SLC35D4: variants seen among roughly 807,000 people sequenced by gnomAD.
The protein encoded by SLC35D4 is UDP-N-acetylglucosamine transporter SLC35D4.
the SLC35D4 span, among the ~76,000 whole-genome samples, chr18:23,315,686 T>C: frequency 1.2e-4 from 18 of 152,332 alleles, no homozygotes; most frequent in East Asian, 3.5e-3. Flanking sequence ...ACATTCTCTC[T>C]ACCCCTTATC....
chr18:23,332,232 C>A, the SLC35D4 span, among the ~76,000 whole-genome samples: 8 of 152,062 alleles, frequency 5.3e-5, no homozygotes, highest in Non-Finnish European at 1.0e-4. Flanking sequence ...AACAGGCTTA[C>A]TGAGATATAA....
At chr18:23,245,530 G>A in the SLC35D4 span, among the ~76,000 whole-genome samples, 2 of 151,228 alleles carry the variant, frequency 1.3e-5, no homozygotes, top group African/African-American at 4.9e-5. Flanking sequence ...AGCGAAATAG[G>A]TATCAGTGTT....
the SLC35D4 span, among the ~76,000 whole-genome samples, chr18:23,376,072 A>C: frequency 6.6e-6 from 1 of 152,252 alleles, no homozygotes; most frequent in Non-Finnish European, 1.5e-5. Context: ...ATCAGGCAGC[A>C]AACAGCAAAG....
the SLC35D4 span, among the ~76,000 whole-genome samples, chr18:23,281,733 C>T: frequency 8.5e-5 from 13 of 152,166 alleles, no homozygotes; most frequent in African/African-American, 2.9e-4. Context: ...AAGAAAGTCA[C>T]CAGAGTTGTT....
chr18:23,255,230 G>A, the SLC35D4 span, among the ~76,000 whole-genome samples: 103 of 152,110 alleles, frequency 6.8e-4, no homozygotes, highest in Admixed American at 1.8e-3. Context: ...GGCTAACCCT[G>A]GGAAGGGCAG....
the SLC35D4 span, among the ~76,000 whole-genome samples, chr18:23,357,240 C>T: frequency 6.6e-6 from 1 of 151,930 alleles, no homozygotes; most frequent in South Asian, 2.1e-4. Context: ...AAGAACAGCA[C>T]GGGGGCCAGA....
At chr18:23,309,153 G>A in the SLC35D4 span, among the ~76,000 whole-genome samples, 30 of 151,358 alleles carry the variant, frequency 2.0e-4, no homozygotes, top group South Asian at 5.6e-3. Flanking sequence ...TGCAACCATT[G>A]CAGGCCTAAA....
At chr18:23,401,030 C>A in the SLC35D4 span, among the ~76,000 whole-genome samples, 1 of 152,194 alleles carries the variant, frequency 6.6e-6, no homozygotes, top group Non-Finnish European at 1.5e-5. Context: ...AAGCACTTTG[C>A]TGGTTTTTTC....
chr18:23,395,065 G>A, the SLC35D4 span, among the ~76,000 whole-genome samples: 1 of 151,244 alleles, frequency 6.6e-6, no homozygotes, highest in South Asian at 2.1e-4. Context: ...GAAAAATCCA[G>A]GGAGGAGTTT....
chr18:23,315,874 T>C, the SLC35D4 span, among the ~76,000 whole-genome samples: 1 of 152,182 alleles, frequency 6.6e-6, no homozygotes, highest in Non-Finnish European at 1.5e-5. Flanking sequence ...AGGAACTTCA[T>C]GGTTGGAAGA....
At chr18:23,343,150 T>C in the SLC35D4 span, among the ~76,000 whole-genome samples, 1 of 152,232 alleles carries the variant, frequency 6.6e-6, no homozygotes, top group Non-Finnish European at 1.5e-5. Flanking sequence ...GTCGAACTCC[T>C]GATCTCAGGT....
the SLC35D4 span, among the ~76,000 whole-genome samples, chr18:23,412,745 T>C: frequency 1.3e-4 from 20 of 152,196 alleles, no homozygotes; most frequent in African/African-American, 1.9e-4. Context: ...GCTGCCTGTT[T>C]CTGAAAATAG....
the SLC35D4 span, among the ~76,000 whole-genome samples, chr18:23,252,206 A>G: frequency 6.6e-6 from 1 of 152,148 alleles, no homozygotes; most frequent in Non-Finnish European, 1.5e-5. Flanking sequence ...GGTTGCCAGG[A>G]GCTGGAGGGA....
At chr18:23,336,937 A>G in the SLC35D4 span, among the ~76,000 whole-genome samples, 1 of 152,172 alleles carries the variant, frequency 6.6e-6, no homozygotes, top group African/African-American at 2.4e-5. Flanking sequence ...TGTTCAGCAT[A>G]GACTTGACCT....
At chr18:23,308,952 G>C in the SLC35D4 span, among the ~76,000 whole-genome samples, 1 of 147,910 alleles carries the variant, frequency 6.8e-6, no homozygotes. Context: ...GACGTCCATG[G>C]GTTGTCAAGT....
At chr18:23,239,158 G>A in the SLC35D4 span, among the ~76,000 whole-genome samples, 1 of 152,160 alleles carries the variant, frequency 6.6e-6, no homozygotes, top group Non-Finnish European at 1.5e-5. Flanking sequence ...GCGTGTGCAC[G>A]TATACACATA....
At chr18:23,352,328 C>A in the SLC35D4 span, 2 of 1,564,252 alleles carry the variant, frequency 1.3e-6, no homozygotes, top group South Asian at 1.2e-5. Flanking sequence ...TGAGGCTTGT[C>A]TTCCCTTAGC....
At chr18:23,275,061 GGTGTGCTTGTGTGTGT>G in the SLC35D4 span, among the ~76,000 whole-genome samples, 1,918 of 102,050 alleles carry the variant, frequency 0.019, 45 homozygotes, top group African/African-American at 0.07. Flanking sequence ...TGTTTGTGTA[GGTGTGCTTGTGTGTGT>G]GTGTGCTTGT....
At chr18:23,275,593 AGTGCTGTGCTGTGCTGTGCT>A in the SLC35D4 span, among the ~76,000 whole-genome samples, 6,843 of 140,678 alleles carry the variant, frequency 0.049, 209 homozygotes, top group Non-Finnish European at 0.062. Context: ...GGTCAGAAAG[AGTGCTGTGCTGTGCTGTGCT>A]GTGCTGTGCT....
Sources: gnomAD v4.1 joint callset for allele counts (sites outside exome capture counted in the v4.1 genomes callset) on GRCh38, gnomAD v4.1.1 for gene constraint, MANE v1.5 for transcripts, NCBI Gene and HGNC (gene_info 2026-07-23, HGNC 2026-07-21) for gene names.